The following SYT1 variants were observed in gnomAD, a reference collection of about 807,000 sequenced individuals.
SYT1 encodes the protein synaptotagmin-1.
SYT1 carries 8 observed loss-of-function variants against 44.8 expected under a neutral mutation model. The observed-to-expected ratio is 0.18, with a 90% CI of 0.10 to 0.32. The LOEUF (loss-of-function observed/expected upper bound fraction) is 0.32, where lower values mean the gene tolerates loss of function less well. Among genes scored for constraint, SYT1 ranks in the 10% least tolerant of loss-of-function variants. SYT1 has a pLI of 1.00. For synonymous variants in SYT1, 154 were observed against 188.8 expected (o/e 0.82, Z 1.51); for missense variants, 286 against 509.3 (o/e 0.56, Z 4.22).
intron 4 of SYT1, among the ~76,000 whole-genome samples, chr12:79,247,615 A>C (rs1243299679): frequency 2.6e-5 from 4 of 152,180 alleles, no homozygotes; most frequent in African/African-American, 7.2e-5. Context: ...TTTAGCAACC[A>C]CCTACACATT....
rs368548371 is a variant in SYT1, at chr12:79,000,896, A to G, written c.-84+22965A>G. Among the ~76,000 whole-genome samples, 41 of 152,300 alleles carry G rather than the reference A, an allele frequency of 2.7e-4. No individual in the cohort carries two copies. The South Asian group carries it at 8.3e-3, about 31-fold the overall frequency. On this transcript the variant is annotated intron_variant, in intron 2 of 10. Transcript: ENST00000261205. ...ATATTCAGTTTCTCCAAGAAATGCCAATTTAAATTCCCCCAAATATCGCTA... is the reference window on the plus strand; with the variant it reads ...ATATTCAGTTTCTCCAAGAAATGCCGATTTAAATTCCCCCAAATATCGCTA...
chr12:78,913,019 GTTA>G (rs1409592076), intron 1 of SYT1, among the ~76,000 whole-genome samples: 1 of 151,734 alleles, frequency 6.6e-6, no homozygotes, highest in African/African-American at 2.4e-5. Flanking sequence ...TCTACTGGAT[GTTA>G]TTGAGTCTAT....
At chr12:79,400,954 C>T (rs1378269542) in intron 9 of SYT1, among the ~76,000 whole-genome samples, 3 of 152,052 alleles carry the variant, frequency 2.0e-5, no homozygotes, top group South Asian at 2.1e-4. Context: ...ATTGAGAGAC[C>T]CTGTACTAGC....
chr12:79,342,968 A>G (rs1440270458), intron 8 of SYT1, among the ~76,000 whole-genome samples: 1 of 152,184 alleles, frequency 6.6e-6, no homozygotes, highest in Non-Finnish European at 1.5e-5. Context: ...AAAACCATAT[A>G]CTGGGATAAG....
intron 1 of SYT1, among the ~76,000 whole-genome samples, chr12:78,944,874 T>G (rs1878569406): frequency 6.6e-6 from 1 of 152,148 alleles, no homozygotes; most frequent in African/African-American, 2.4e-5. Flanking sequence ...GCAAAATACT[T>G]GAGATTAATG....
chr12:79,099,326 G>A (rs752543822), intron 3 of SYT1, among the ~76,000 whole-genome samples: 13 of 152,070 alleles, frequency 8.5e-5, no homozygotes, highest in Admixed American at 5.9e-4. Flanking sequence ...GCACAATAAC[G>A]TTTTGTCTAA....
intron 3 of SYT1, among the ~76,000 whole-genome samples, chr12:79,109,045 G>A (rs575077263): frequency 5.7e-4 from 87 of 152,272 alleles, no homozygotes; most frequent in African/African-American, 2.0e-3. Context: ...GGAAAAGAGG[G>A]AAAACAGGGA....
In SYT1 at chr12:79,116,834, A is replaced by C. The variant is rs117375735; in HGVS notation, c.-18+69472A>C. 6.4e-3 allele frequency among the ~76,000 whole-genome samples: 975 copies of C among 152,282 alleles called. 4 individuals carry two copies. Among genetic ancestry groups the C allele is most frequent in the Non-Finnish European group, 9.6e-3 (656 of 68,022 alleles). ...TTCAGCTACATATCTCAGAGCCTACACCAAAATCCTGAGTTTCACCTCTGA... is the reference window on the plus strand; with the variant it reads ...TTCAGCTACATATCTCAGAGCCTACCCCAAAATCCTGAGTTTCACCTCTGA... On this transcript the variant is annotated intron_variant, in intron 3 of 10. Transcript: ENST00000261205.
intron 2 of SYT1, among the ~76,000 whole-genome samples, chr12:79,005,069 C>T (rs907257745): frequency 2.0e-5 from 3 of 151,860 alleles, no homozygotes; most frequent in Non-Finnish European, 4.4e-5. Context: ...TAAAACTTTC[C>T]TTTAGCACTT....
At chr12:79,382,917 T>C (rs188773315) in intron 9 of SYT1, among the ~76,000 whole-genome samples, 1 of 152,328 alleles carries the variant, frequency 6.6e-6, no homozygotes, top group East Asian at 1.9e-4. Flanking sequence ...TTCTCCCAAG[T>C]AGTCTGTGTC....
intron 3 of SYT1, among the ~76,000 whole-genome samples, chr12:79,194,830 A>G (rs1873349746): frequency 1.3e-5 from 2 of 152,172 alleles, no homozygotes; most frequent in South Asian, 4.1e-4. Context: ...CTTCTAACCT[A>G]TAGAACTGTT....
chr12:79,134,876 A>G (rs1324597248), intron 3 of SYT1, among the ~76,000 whole-genome samples: 1 of 152,074 alleles, frequency 6.6e-6, no homozygotes, highest in Non-Finnish European at 1.5e-5. Context: ...ACTTTCCATT[A>G]TAAGATGAAT....
At chr12:79,350,338 C>T (rs370993693) in intron 8 of SYT1, among the ~76,000 whole-genome samples, 4 of 150,580 alleles carry the variant, frequency 2.7e-5, no homozygotes, top group African/African-American at 9.8e-5. Flanking sequence ...CTGCAAGCTC[C>T]GCCTCCCGGG....
intron 1 of SYT1, among the ~76,000 whole-genome samples, chr12:78,877,821 G>T (rs761446184): frequency 6.6e-6 from 1 of 151,708 alleles, no homozygotes; most frequent in African/African-American, 2.4e-5. Flanking sequence ...TAGAGACAGG[G>T]TCTCACTATG....
At chr12:79,032,725 A>T (rs976882917) in intron 2 of SYT1, among the ~76,000 whole-genome samples, 6 of 151,340 alleles carry the variant, frequency 4.0e-5, no homozygotes, top group Admixed American at 6.6e-5. Flanking sequence ...TTATTTTATG[A>T]TTATTTTCTG....
intron 2 of SYT1, among the ~76,000 whole-genome samples, chr12:79,010,711 G>C (rs1459455949): frequency 4.6e-5 from 7 of 152,136 alleles, no homozygotes; most frequent in African/African-American, 1.7e-4. Flanking sequence ...ATAAAGTCCT[G>C]TCCTGCTATC....
intron 2 of SYT1, chr12:79,046,444 A>G (rs938533737): frequency 5.3e-5 from 8 of 152,180 alleles, no homozygotes; most frequent in Non-Finnish European, 2.9e-5. Context: ...GAGAACTTAT[A>G]TAAAAAGGTA....
At chr12:79,200,876 A>G (rs1001826354) in intron 3 of SYT1, among the ~76,000 whole-genome samples, 1 of 152,194 alleles carries the variant, frequency 6.6e-6, no homozygotes, top group African/African-American at 2.4e-5. Flanking sequence ...CCTCCCTGTC[A>G]TATATATCTT....
chr12:79,308,652 G>GAAAGAAAGAAAGAAAGAAAGA (rs1565901646), intron 8 of SYT1, among the ~76,000 whole-genome samples: 8 of 108,896 alleles, frequency 7.3e-5, no homozygotes, highest in African/African-American at 2.8e-4. Context: ...AAGAAAGAAA[G>GAAAGAAAGAAAGAAAGAAAGA]AAAGAAAAGA....
Sources: allele counts gnomAD v4.1 joint callset (sites outside exome capture counted in the v4.1 genomes callset), GRCh38; gene constraint gnomAD v4.1.1; transcripts MANE v1.5; gene names NCBI Gene and HGNC (gene_info 2026-07-23, HGNC 2026-07-21).